The following CTNNA2 variants were observed in gnomAD, a reference collection of about 807,000 sequenced individuals.
CTNNA2 encodes the protein catenin alpha-2.
Under a neutral mutation model 101.0 loss-of-function variants are expected in CTNNA2, and 42 were observed. The observed-to-expected ratio is 0.42, with a 90% confidence interval of 0.32 to 0.54. CTNNA2 has a LOEUF of 0.54. CTNNA2 is among the 20% of genes least tolerant of loss of function. CTNNA2 has a pLI of 0.14. For missense variants in CTNNA2, 871 were observed against 1,223.1 expected (o/e 0.71, Z 4.29); for synonymous variants, 450 against 456.4 (o/e 0.99, Z 0.18).
At chr2:80,365,537 CT>C (rs1280327241) in intron 7 of CTNNA2, among the ~76,000 whole-genome samples, 2 of 148,678 alleles carry the variant, frequency 1.3e-5, no homozygotes, top group African/African-American at 5.0e-5. Flanking sequence ...AAAACACTGT[CT>C]TTTGCCTACA....
intron 1 of CTNNA2, among the ~76,000 whole-genome samples, chr2:79,626,586 T>C (rs1391698412): frequency 2.0e-5 from 3 of 150,312 alleles, no homozygotes; most frequent in East Asian, 3.9e-4. Flanking sequence ...AGTGTGTGTG[T>C]GTGCATGTAT....
rs9789752 is a variant in CTNNA2 at position 79,468,963 on chromosome 2, G to A, written c.-134-36091G>A. Among the ~76,000 whole-genome samples the A allele has an allele frequency of 0.011, 1,640 of 151,580 alleles. 81 individuals are homozygous for A. In the East Asian group the frequency reaches 0.13, roughly 12 times the overall value. On this transcript the variant is annotated intron_variant, in intron 4 of 21. Coordinates refer to the CTNNA2 transcript ENST00000466387. ...AAATTGACACCCTAACATCACAATT[G>A]AAAGAACTAGAGAAGCAAGAGCAAA...
At chr2:80,326,867 T>C (rs1432643038) in intron 7 of CTNNA2, among the ~76,000 whole-genome samples, 1 of 152,208 alleles carries the variant, frequency 6.6e-6, no homozygotes, top group African/African-American at 2.4e-5. Context: ...GTCTCTCTGC[T>C]GTCTCTTCTC....
intron 2 of CTNNA2, among the ~76,000 whole-genome samples, chr2:79,691,991 A>G (rs1403179288): frequency 1.3e-5 from 2 of 152,198 alleles, no homozygotes; most frequent in South Asian, 2.1e-4. Context: ...AAGCACCAAA[A>G]GCAATGGCAA....
At chr2:80,315,663 G>A (rs985938613) in intron 7 of CTNNA2, among the ~76,000 whole-genome samples, 3 of 152,198 alleles carry the variant, frequency 2.0e-5, no homozygotes, top group Non-Finnish European at 2.9e-5. Context: ...AATTGCTGTT[G>A]TCTGTTAACT....
At chr2:80,213,823 C>T (rs183883765) in intron 7 of CTNNA2, among the ~76,000 whole-genome samples, 2 of 152,266 alleles carry the variant, frequency 1.3e-5, no homozygotes, top group East Asian at 3.9e-4. Flanking sequence ...GTGTTAAAGT[C>T]TCCCATTATT....
At chr2:80,639,693 C>T (rs929480494) in intron 18 of CTNNA2, among the ~76,000 whole-genome samples, 1 of 152,136 alleles carries the variant, frequency 6.6e-6, no homozygotes, top group Non-Finnish European at 1.5e-5. Flanking sequence ...TAAATCTTCT[C>T]CTTAATGATT....
intron 9 of CTNNA2, among the ~76,000 whole-genome samples, chr2:80,529,303 A>T (rs369377661): frequency 1.3e-5 from 2 of 152,130 alleles, no homozygotes; most frequent in African/African-American, 4.8e-5. Context: ...CCATACAAAA[A>T]CGAGCCACTG....
At position 79,698,413 on chromosome 2, in the gene CTNNA2, T is replaced by C. The variant is rs564836819; in HGVS notation, c.103-45974T>C. ...GAATCGTTTCAATACTTTCACTGTA[T>C]GTGACCACTTGAATTTTGTGTTTCA... On this transcript the variant is annotated intron_variant, in intron 2 of 18. Transcript: ENST00000402739. Among the ~76,000 whole-genome samples the C allele has an allele frequency of 1.6e-3, 242 of 152,194 alleles. 1 individual carries two copies. The highest frequency in any genetic ancestry group is 0.012 in the South Asian group (56 of 4,828).
chr2:79,203,689 C>G (rs1417541586), intron 2 of CTNNA2, among the ~76,000 whole-genome samples: 1 of 152,174 alleles, frequency 6.6e-6, no homozygotes, highest in Admixed American at 6.5e-5. Flanking sequence ...GGGACAAGAA[C>G]GAAAGGTTAT....
At chr2:80,295,322 C>T (rs1468316279) in intron 7 of CTNNA2, among the ~76,000 whole-genome samples, 1 of 151,850 alleles carries the variant, frequency 6.6e-6, no homozygotes, top group Non-Finnish European at 1.5e-5. Flanking sequence ...TCTAGGATTC[C>T]CTTTCATCTC....
chr2:79,568,939 C>T (rs984139362), intron 1 of CTNNA2, among the ~76,000 whole-genome samples: 4 of 147,974 alleles, frequency 2.7e-5, no homozygotes, highest in Admixed American at 1.4e-4. Context: ...GAGGCTGATA[C>T]GGGAGGATTG....
intron 18 of CTNNA2, among the ~76,000 whole-genome samples, chr2:80,634,164 T>C (rs758691215): frequency 6.6e-6 from 1 of 152,082 alleles, no homozygotes; most frequent in Non-Finnish European, 1.5e-5. Context: ...TTTTAGATGT[T>C]TGGGATATAA....
intron 3 of CTNNA2, among the ~76,000 whole-genome samples, chr2:79,366,412 G>C (rs953715595): frequency 6.6e-6 from 1 of 152,162 alleles, no homozygotes; most frequent in Non-Finnish European, 1.5e-5. Flanking sequence ...TGTGGGGCCT[G>C]TTTGGTGTGG....
intron 3 of CTNNA2, among the ~76,000 whole-genome samples, chr2:79,848,991 AC>A (rs146137949): frequency 0.048 from 7,314 of 152,146 alleles, 448 homozygotes; most frequent in African/African-American, 0.14. Context: ...CAACCACCTG[AC>A]CACGGCACTT....
chr2:79,476,300 T>G (rs1305752046), intron 4 of CTNNA2, among the ~76,000 whole-genome samples: 1 of 152,146 alleles, frequency 6.6e-6, no homozygotes, highest in Non-Finnish European at 1.5e-5. Context: ...TCCTGGAGTA[T>G]AGGCACAGTA....
chr2:79,643,466 CA>C (rs1680593291), intron 1 of CTNNA2, among the ~76,000 whole-genome samples: 1 of 152,140 alleles, frequency 6.6e-6, no homozygotes, highest in South Asian at 2.1e-4. Context: ...TAGACCTAAT[CA>C]ATCAGAAACT....
intron 13 of CTNNA2, among the ~76,000 whole-genome samples, chr2:80,579,772 C>T (rs2149714425): frequency 6.6e-6 from 1 of 152,332 alleles, no homozygotes; most frequent in East Asian, 1.9e-4. Flanking sequence ...CGAAGGACCC[C>T]ATTTTATGCC....
At chr2:79,947,523 AC>A (rs1688579486) in intron 7 of CTNNA2, among the ~76,000 whole-genome samples, 1 of 152,216 alleles carries the variant, frequency 6.6e-6, no homozygotes, top group African/African-American at 2.4e-5. Flanking sequence ...CAGAAACAAA[AC>A]CAAAAAATAC....
Sources: gnomAD v4.1 joint callset for allele counts (sites outside exome capture counted in the v4.1 genomes callset) on GRCh38, gnomAD v4.1.1 for gene constraint, MANE v1.5 for transcripts, NCBI Gene and HGNC (gene_info 2026-07-23, HGNC 2026-07-21) for gene names.